TOP6BL: variants seen among roughly 807,000 people sequenced by gnomAD.
TOP6BL encodes the protein type 2 DNA topoisomerase 6 subunit B-like.
At chr11:66,816,229 G>T in the TOP6BL span, 2 of 1,590,362 alleles carry the variant, frequency 1.3e-6, no homozygotes, top group South Asian at 2.3e-5. Flanking sequence ...GTTGCCAGCT[G>T]GGGTGTGCCA....
chr11:66,804,437 C>T, the TOP6BL span, among the ~76,000 whole-genome samples: 1 of 151,972 alleles, frequency 6.6e-6, no homozygotes, highest in Non-Finnish European at 1.5e-5. Flanking sequence ...GAATGGTGCA[C>T]GAGGAAGAGA....
At chr11:66,808,870 AGAG>A in the TOP6BL span, among the ~76,000 whole-genome samples, 1 of 151,854 alleles carries the variant, frequency 6.6e-6, no homozygotes, top group Non-Finnish European at 1.5e-5. Context: ...ATGTCCAAAA[AGAG>A]AAGAGAGAAG....
chr11:66,795,507 G>T, the TOP6BL span, among the ~76,000 whole-genome samples: 1 of 151,832 alleles, frequency 6.6e-6, no homozygotes, highest in Non-Finnish European at 1.5e-5. Flanking sequence ...TCACCATTTT[G>T]GCCAGGTTGG....
chr11:66,781,363 A>T, the TOP6BL span, among the ~76,000 whole-genome samples: 1 of 152,096 alleles, frequency 6.6e-6, no homozygotes, highest in Admixed American at 6.5e-5. Flanking sequence ...TCTTCATTTC[A>T]ATTATTTAAC....
chr11:66,811,706 C>G, the TOP6BL span, among the ~76,000 whole-genome samples: 11 of 152,118 alleles, frequency 7.2e-5, no homozygotes, highest in Non-Finnish European at 1.5e-4. Flanking sequence ...AAGTTGTATA[C>G]TAATAAAGCC....
the TOP6BL span, chr11:66,758,944 G>T: frequency 1.4e-6 from 1 of 736,744 alleles, no homozygotes; most frequent in Non-Finnish European, 2.1e-6. Flanking sequence ...CTTTTTAAAT[G>T]TTCTGTGTCT....
the TOP6BL span, chr11:66,821,753 C>T: frequency 1.2e-6 from 2 of 1,613,348 alleles, no homozygotes; most frequent in Non-Finnish European, 1.7e-6. Context: ...GCAACATCAC[C>T]AGGCTGCCAA....
At chr11:66,761,843 A>G in the TOP6BL span, 1 of 901,260 alleles carries the variant, frequency 1.1e-6, no homozygotes, top group Non-Finnish European at 1.9e-6. Context: ...CTTCTTGTCC[A>G]GCTTCATCCT....
At chr11:66,818,235 G>GC in the TOP6BL span, among the ~76,000 whole-genome samples, 2 of 152,160 alleles carry the variant, frequency 1.3e-5, no homozygotes, top group African/African-American at 2.4e-5. Context: ...ACCATTGTTG[G>GC]CTGTGGTATT....
At chr11:66,747,788 TTTG>T in the TOP6BL span, among the ~76,000 whole-genome samples, 4 of 151,766 alleles carry the variant, frequency 2.6e-5, no homozygotes, top group Non-Finnish European at 5.9e-5. Flanking sequence ...TGGGCTAATT[TTTG>T]TTGTTGTTAG....
the TOP6BL span, chr11:66,842,687 G>A: frequency 2.9e-6 from 2 of 696,332 alleles, no homozygotes; most frequent in Non-Finnish European, 4.7e-6. Flanking sequence ...GGCTGCTCCA[G>A]AAGCGCCCAC....
chr11:66,819,620 G>A, the TOP6BL span, among the ~76,000 whole-genome samples: 11 of 151,756 alleles, frequency 7.2e-5, no homozygotes, highest in African/African-American at 2.7e-4. Flanking sequence ...ATACAAATTT[G>A]CCCGGGCATG....
the TOP6BL span, chr11:66,800,972 C>G: frequency 3.2e-6 from 5 of 1,576,532 alleles, no homozygotes; most frequent in African/African-American, 4.0e-5. Flanking sequence ...AAATTTATGT[C>G]AAACAGAGAT....
chr11:66,831,998 AAAAAAAAAAAAAAAAAAAC>A, the TOP6BL span, among the ~76,000 whole-genome samples: 3 of 142,778 alleles, frequency 2.1e-5, no homozygotes, highest in African/African-American at 2.7e-5. Context: ...CTCTGTCTCA[AAAAAAAAAAAAAAAAAAAC>A]AAAAAATTGT....
chr11:66,818,113 C>T, the TOP6BL span, among the ~76,000 whole-genome samples: 1 of 152,116 alleles, frequency 6.6e-6, no homozygotes, highest in Non-Finnish European at 1.5e-5. Context: ...TCTCCAGGCA[C>T]TCTAGTGCTA....
the TOP6BL span, among the ~76,000 whole-genome samples, chr11:66,780,531 G>GA: frequency 6.6e-5 from 10 of 152,050 alleles, no homozygotes; most frequent in Non-Finnish European, 1.2e-4. Context: ...TCAACATTTT[G>GA]AAAGATGTTG....
chr11:66,796,559 C>G, the TOP6BL span, among the ~76,000 whole-genome samples: 1 of 151,864 alleles, frequency 6.6e-6, no homozygotes, highest in Non-Finnish European at 1.5e-5. Context: ...GCGGGAGGAT[C>G]GCTTGAGTCC....
At chr11:66,842,985 C>G in the TOP6BL span, 1 of 1,550,538 alleles carries the variant, frequency 6.4e-7, no homozygotes, top group East Asian at 2.4e-5. Flanking sequence ...CCGCGGCCCC[C>G]CTCACTCCTA....
chr11:66,838,350 C>G, the TOP6BL span: 1 of 1,611,724 alleles, frequency 6.2e-7, no homozygotes, highest in African/African-American at 1.3e-5. Flanking sequence ...TCACTTAGGA[C>G]TTCTAATTTT....
Sources: allele counts gnomAD v4.1 joint callset (sites outside exome capture counted in the v4.1 genomes callset), GRCh38; gene constraint gnomAD v4.1.1; transcripts MANE v1.5; gene names NCBI Gene and HGNC (gene_info 2026-07-23, HGNC 2026-07-21).